The following PTPRD variants were observed in gnomAD, a reference collection of about 807,000 sequenced individuals.
PTPRD encodes receptor-type tyrosine-protein phosphatase delta.
PTPRD carries 34 observed loss-of-function variants against 214.5 expected under a neutral mutation model. The ratio of observed to expected loss-of-function variants is 0.16; its 90% CI spans 0.12 to 0.21. PTPRD has a LOEUF of 0.21. Among genes scored for constraint, PTPRD ranks in the 10% least tolerant of loss-of-function variants. PTPRD has a pLI of 1.00. For missense variants in PTPRD, 2,545 were observed against 2,398.7 expected (o/e 1.06, Z -1.27); for synonymous variants, 1,128 against 845.7 (o/e 1.33, Z -5.79).
At position 10,462,102 on chromosome 9, in the gene PTPRD, T is replaced by A. The variant is rs548580865; in HGVS notation, c.-599-121085A>T. 1.5e-3 allele frequency among the ~76,000 whole-genome samples: 222 copies of A among 152,208 alleles called. 3 individuals are homozygous for A. In the East Asian group the frequency reaches 0.041, roughly 28 times the overall value. The stretch of plus-strand genomic sequence containing the variant: ...GAGATTTAATGTAAACTATGAGGAA[T>A]GATAGTTAGCGTATTATATACAGGA... On this transcript the variant is annotated intron_variant, in intron 2 of 45. Transcript: ENST00000381196.
At chr9:9,358,834 T>C (rs1055922263) in intron 9 of PTPRD, among the ~76,000 whole-genome samples, 9 of 151,280 alleles carry the variant, frequency 5.9e-5, no homozygotes, top group African/African-American at 9.7e-5. Flanking sequence ...TTAATCGCAT[T>C]CTTGTATAGG....
At chr9:9,330,743 T>G in intron 9 of PTPRD, among the ~76,000 whole-genome samples, 1 of 151,908 alleles carries the variant, frequency 6.6e-6, no homozygotes, top group East Asian at 1.9e-4. Context: ...GAGAAAAAAG[T>G]CATTGAATTT....
chr9:9,185,949 C>T (rs925636271), intron 9 of PTPRD, among the ~76,000 whole-genome samples: 12 of 150,524 alleles, frequency 8.0e-5, no homozygotes, highest in East Asian at 3.9e-4. Context: ...AGTTATCTGT[C>T]GATCTGGTAG....
intron 7 of PTPRD, among the ~76,000 whole-genome samples, chr9:9,645,669 C>G (rs905774409): frequency 1.3e-5 from 2 of 151,782 alleles, no homozygotes; most frequent in Non-Finnish European, 2.9e-5. Context: ...TTGCTTTCCT[C>G]TGATTGATAT....
intron 44 of PTPRD, among the ~76,000 whole-genome samples, chr9:8,328,682 G>A (rs532520440): frequency 6.6e-6 from 1 of 151,020 alleles, no homozygotes; most frequent in African/African-American, 2.4e-5. Flanking sequence ...AAGTAAATTT[G>A]GTGTTTTCAT....
intron 2 of PTPRD, among the ~76,000 whole-genome samples, chr9:10,342,476 G>A (rs1018331850): frequency 2.0e-5 from 3 of 151,982 alleles, no homozygotes; most frequent in African/African-American, 7.2e-5. Context: ...GACTGTTACT[G>A]AATCTTTGTA....
At chr9:8,515,367 A>C (rs1358244053) in intron 21 of PTPRD, among the ~76,000 whole-genome samples, 1 of 152,168 alleles carries the variant, frequency 6.6e-6, no homozygotes, top group Non-Finnish European at 1.5e-5. Flanking sequence ...TTAATAATTT[A>C]ATGTTTTACA....
intron 5 of PTPRD, among the ~76,000 whole-genome samples, chr9:9,900,205 C>T (rs753894344): frequency 6.6e-6 from 1 of 152,172 alleles, no homozygotes; most frequent in Non-Finnish European, 1.5e-5. Context: ...TTATGCTCTG[C>T]TTCCATTTTA....
intron 9 of PTPRD, among the ~76,000 whole-genome samples, chr9:9,199,770 G>C (rs1343440686): frequency 6.6e-6 from 1 of 151,386 alleles, no homozygotes; most frequent in Non-Finnish European, 1.5e-5. Context: ...GATTTTATTA[G>C]AAACACGCTA....
intron 7 of PTPRD, among the ~76,000 whole-genome samples, chr9:9,683,742 C>T (rs1018835923): frequency 6.6e-6 from 1 of 151,458 alleles, no homozygotes; most frequent in Non-Finnish European, 1.5e-5. Flanking sequence ...AAGAATTCAC[C>T]TAGTGTTATT....
intron 9 of PTPRD, among the ~76,000 whole-genome samples, chr9:9,244,479 G>A (rs1594422801): frequency 1.3e-5 from 2 of 152,018 alleles, no homozygotes; most frequent in Admixed American, 6.6e-5. Context: ...CAGAAATAAT[G>A]CCACACATCT....
chr9:9,958,942 G>A (rs77283751), intron 4 of PTPRD, among the ~76,000 whole-genome samples: 495 of 152,256 alleles, frequency 3.3e-3, no homozygotes, highest in African/African-American at 0.011. Context: ...AAAAGGTTTG[G>A]TGGGCTTTTA....
At chr9:8,693,486 GT>G (rs1484727409) in intron 12 of PTPRD, among the ~76,000 whole-genome samples, 6 of 152,168 alleles carry the variant, frequency 3.9e-5, no homozygotes, top group East Asian at 1.9e-4. Context: ...CATTCACTAT[GT>G]TTTTTCATTT....
At chr9:9,194,836 G>A (rs1251729175) in intron 9 of PTPRD, among the ~76,000 whole-genome samples, 1 of 151,926 alleles carries the variant, frequency 6.6e-6, no homozygotes, top group African/African-American at 2.4e-5. Flanking sequence ...ATGCTTCTCT[G>A]AGCATCAATG....
chr9:9,547,455 G>C (rs954292749), intron 8 of PTPRD, among the ~76,000 whole-genome samples: 1 of 152,028 alleles, frequency 6.6e-6, no homozygotes, highest in Non-Finnish European at 1.5e-5. Flanking sequence ...TAGGAATCAA[G>C]CTGCCTAGCC....
chr9:10,099,303 C>A (rs1301421542), intron 3 of PTPRD, among the ~76,000 whole-genome samples: 1 of 151,536 alleles, frequency 6.6e-6, no homozygotes, highest in African/African-American at 2.4e-5. Flanking sequence ...CAGTTTTTTT[C>A]ACCTGTAAAA....
At chr9:8,833,569 C>T (rs1165169754) in intron 11 of PTPRD, among the ~76,000 whole-genome samples, 2 of 149,584 alleles carry the variant, frequency 1.3e-5, no homozygotes, top group Non-Finnish European at 3.0e-5. Flanking sequence ...AGGGCTGGAT[C>T]TATGTATGAC....
intron 3 of PTPRD, among the ~76,000 whole-genome samples, chr9:10,099,279 A>T (rs996551323): frequency 6.6e-6 from 1 of 151,622 alleles, no homozygotes; most frequent in Non-Finnish European, 1.5e-5. Flanking sequence ...AAATTACCTA[A>T]CCTCTCTATG....
intron 5 of PTPRD, among the ~76,000 whole-genome samples, chr9:9,853,048 C>A (rs995894775): frequency 8.5e-5 from 13 of 152,112 alleles, no homozygotes; most frequent in Non-Finnish European, 1.9e-4. Context: ...TCTATGCTCT[C>A]CATAGAGGTA....
Sources: gnomAD v4.1 joint callset for allele counts (sites outside exome capture counted in the v4.1 genomes callset) on GRCh38, gnomAD v4.1.1 for gene constraint, MANE v1.5 for transcripts, NCBI Gene and HGNC (gene_info 2026-07-23, HGNC 2026-07-21) for gene names.